LAMA2: variants seen among roughly 807,000 people sequenced by gnomAD.
The protein encoded by LAMA2 is laminin subunit alpha-2.
A neutral mutation model predicts 364.8 loss-of-function variants in LAMA2; 269 were observed. The observed-to-expected ratio is 0.74, with a 90% CI of 0.67 to 0.82. The LOEUF (loss-of-function observed/expected upper bound fraction) is 0.82. LAMA2 is among the 40% of genes least tolerant of loss of function. LAMA2 has a pLI of 0.00. For missense variants in LAMA2, 3,807 were observed against 3,873.2 expected, an observed-to-expected ratio of 0.98 and a Z score of 0.45; for synonymous variants, 1,379 against 1,370.6, an observed-to-expected ratio of 1.01 and a Z score of -0.14.
chr6:129,238,586 A>T (rs1220286853), intron 12 of LAMA2, among the ~76,000 whole-genome samples: 2 of 151,872 alleles, frequency 1.3e-5, no homozygotes, highest in Admixed American at 6.6e-5. Flanking sequence ...TGAGAGAGAG[A>T]GAGAGAGAGA....
rs1337953924 is a variant in LAMA2, at chr6:129,098,212, T to A, written c.436T>A (p.Ser146Thr). Residue 146 changes from serine (S) to threonine (T), a missense_variant, in exon 4 of 65, where the codon TCC (serine) becomes ACC (threonine). Transcript: ENST00000421865. The stretch of plus-strand genomic sequence containing the variant: ...GTATGTGATTGTGAAGGCAGCTAAC[T>A]CCCCCCGGCCTGGAAACTGGATTTT... ...IAYVIVKAAN[S>T]PRPGNWILER... The A allele has an allele frequency of 1.2e-6, 2 of 1,613,932 alleles. No individual in the cohort carries two copies. The highest frequency in any genetic ancestry group is 3.3e-5 in the Admixed American group (2 of 60,010).
chr6:129,252,351 C>A, intron 14 of LAMA2, 56 bp downstream of exon 14: 1 of 1,347,762 alleles, frequency 7.4e-7, no homozygotes, highest in Non-Finnish European at 1.1e-6. Context: ...GGCCAAGGTG[C>A]AGGAGCCGCC....
intron 10 of LAMA2, among the ~76,000 whole-genome samples, chr6:129,184,747 T>G (rs1252930251): frequency 2.0e-5 from 3 of 151,896 alleles, no homozygotes; most frequent in Non-Finnish European, 4.4e-5. Context: ...TGGAGGCTAG[T>G]TCTTTACTAA....
At chr6:129,296,639 T>C (rs942296383) in intron 20 of LAMA2, among the ~76,000 whole-genome samples, 1 of 152,038 alleles carries the variant, frequency 6.6e-6, no homozygotes, top group African/African-American at 2.4e-5. Context: ...AATTTCTCTT[T>C]GGGTGGCTCA....
chr6:129,212,036 T>G (rs139613211), intron 12 of LAMA2, among the ~76,000 whole-genome samples: 1 of 152,362 alleles, frequency 6.6e-6, no homozygotes, highest in East Asian at 1.9e-4. Context: ...TTTAAAAAAT[T>G]TGAAACTTAC....
At chr6:129,478,373 T>C (rs1784184665) in intron 53 of LAMA2, among the ~76,000 whole-genome samples, 3 of 152,136 alleles carry the variant, frequency 2.0e-5, no homozygotes, top group Non-Finnish European at 4.4e-5. Flanking sequence ...GTGAAAAAAA[T>C]AAAACTTATT....
At chr6:129,120,394 A>T (rs1410357813) in intron 4 of LAMA2, among the ~76,000 whole-genome samples, 1 of 152,218 alleles carries the variant, frequency 6.6e-6, no homozygotes, top group African/African-American at 2.4e-5. Context: ...GTTCCATGGG[A>T]TAGTGTCAGT....
intron 1 of LAMA2, among the ~76,000 whole-genome samples, chr6:129,023,455 A>G (rs1291440662): frequency 1.3e-5 from 2 of 152,028 alleles, no homozygotes; most frequent in Non-Finnish European, 2.9e-5. Context: ...AAACACTTCC[A>G]TGGTATCTAT....
At chr6:129,324,411 G>A (rs968084747) in intron 28 of LAMA2, among the ~76,000 whole-genome samples, 2 of 152,070 alleles carry the variant, frequency 1.3e-5, no homozygotes, top group South Asian at 2.1e-4. Context: ...CCCATTTTAC[G>A]GGTGAGAGAA....
At chr6:129,192,419 G>C (rs1268725237) in intron 11 of LAMA2, among the ~76,000 whole-genome samples, 2 of 151,916 alleles carry the variant, frequency 1.3e-5, no homozygotes, top group Non-Finnish European at 2.9e-5. Context: ...AAAAAGCATA[G>C]GTTCAATGAA....
intron 1 of LAMA2, among the ~76,000 whole-genome samples, chr6:128,982,858 G>A (rs1314483525): frequency 6.0e-5 from 9 of 148,776 alleles, no homozygotes; most frequent in East Asian, 6.0e-4. Context: ...GAGAACATGC[G>A]GTGTTTGGTT....
intron 21 of LAMA2, among the ~76,000 whole-genome samples, 156 bp downstream of exon 21, chr6:129,298,021 A>G (rs1269210219): frequency 9.3e-5 from 4 of 43,104 alleles, no homozygotes. Context: ...TAAAAAATGA[A>G]ATACATGTCA....
intron 1 of LAMA2, among the ~76,000 whole-genome samples, chr6:128,918,148 G>C (rs1778463969): frequency 6.6e-6 from 1 of 152,106 alleles, no homozygotes; most frequent in Non-Finnish European, 1.5e-5. Context: ...TTTTCTGTGT[G>C]TGAGTGAAAG....
At chr6:129,019,076 T>G (rs1439337338) in intron 1 of LAMA2, among the ~76,000 whole-genome samples, 1 of 152,094 alleles carries the variant, frequency 6.6e-6, no homozygotes, top group Non-Finnish European at 1.5e-5. Flanking sequence ...CACTGTACTG[T>G]TTTTCTACAT....
chr6:129,225,906 G>A (rs988896429), intron 12 of LAMA2, among the ~76,000 whole-genome samples: 17 of 152,196 alleles, frequency 1.1e-4, no homozygotes, highest in South Asian at 4.2e-4. Context: ...TTTCTGTCTC[G>A]TTGATCTGTC....
At chr6:129,388,329 A>G (rs749519870) in intron 35 of LAMA2, among the ~76,000 whole-genome samples, 7 of 152,006 alleles carry the variant, frequency 4.6e-5, no homozygotes, top group Admixed American at 6.6e-5. Context: ...CCACCATGGC[A>G]TATGTATTCC....
intron 1 of LAMA2, chr6:128,930,032 G>A (rs1015450874): frequency 9.0e-6 from 4 of 442,994 alleles, no homozygotes; most frequent in South Asian, 2.4e-5. Context: ...TGCAGAGCAC[G>A]GGGCGCCGTG....
intron 1 of LAMA2, among the ~76,000 whole-genome samples, chr6:129,007,096 G>A (rs1202536859): frequency 6.6e-6 from 1 of 152,112 alleles, no homozygotes; most frequent in Non-Finnish European, 1.5e-5. Context: ...TCCCCATCGT[G>A]GCTCCTGAGT....
At chr6:129,204,916 T>A (rs1178312742) in intron 12 of LAMA2, among the ~76,000 whole-genome samples, 3 of 152,170 alleles carry the variant, frequency 2.0e-5, no homozygotes, top group African/African-American at 7.2e-5. Flanking sequence ...GGCTCTTAAA[T>A]GTATGAAACG....
Sources: gnomAD v4.1 joint callset for allele counts (sites outside exome capture counted in the v4.1 genomes callset) on GRCh38, gnomAD v4.1.1 for gene constraint, MANE v1.5 for transcripts, NCBI Gene and HGNC (gene_info 2026-07-23, HGNC 2026-07-21) for gene names.